The following SPAG6 variants were observed in gnomAD, a reference collection of about 807,000 sequenced individuals.
SPAG6 encodes sperm associated antigen 6.
Under a neutral mutation model 58.5 loss-of-function variants are expected in SPAG6, and 49 were observed. That is an observed-to-expected ratio of 0.84 (90% confidence interval 0.67 to 1.06). SPAG6 has a LOEUF of 1.06. Among genes scored for constraint, SPAG6 ranks in the 50% least tolerant of loss-of-function variants. The pLI, the probability that SPAG6 is intolerant of heterozygous loss-of-function variation, is 0.00. For missense variants in SPAG6, 560 were observed against 611.3 expected, an observed-to-expected ratio of 0.92 and a Z score of 0.89; for synonymous variants, 233 against 225.6, an observed-to-expected ratio of 1.03 and a Z score of -0.29.
chr10:22,345,920 G>C lies in SPAG6; in HGVS notation c.121+102G>C. On this transcript the variant is annotated intron_variant, in intron 2 of 10. Coordinates refer to ENST00000376624, the MANE Select transcript of SPAG6 (RefSeq NM_012443.4). The surrounding 1 kb of genome is among the most constrained non-coding windows in gnomAD (Gnocchi z 6.3). ...GGAGCTCTTGGGGAGCCGCAGTGTGGGGACCGGAGTTCGCAAAAGCATCCA... is the reference window on the plus strand; with the variant it reads ...GGAGCTCTTGGGGAGCCGCAGTGTGCGGACCGGAGTTCGCAAAAGCATCCA... The C allele has an allele frequency of 6.4e-7, 1 of 1,572,096 alleles. No homozygotes were observed. The highest frequency in any genetic ancestry group is 1.2e-5 in the South Asian group (1 of 86,008).
intron 4 of SPAG6, among the ~76,000 whole-genome samples, chr10:22,375,096 G>T (rs1677646161): frequency 1.3e-5 from 2 of 152,294 alleles, no homozygotes; most frequent in South Asian, 4.1e-4. Context: ...GTGTACTGGT[G>T]GTTTGGAAAT....
intron 8 of SPAG6, among the ~76,000 whole-genome samples, chr10:22,398,051 A>G (rs1564376916): frequency 6.6e-6 from 1 of 152,260 alleles, no homozygotes; most frequent in Non-Finnish European, 1.5e-5. Context: ...TTACAGAAAG[A>G]CATATGTATG....
intron 10 of SPAG6, among the ~76,000 whole-genome samples, chr10:22,413,305 G>A (rs1234713197): frequency 6.6e-6 from 1 of 151,956 alleles, no homozygotes; most frequent in East Asian, 1.9e-4. Flanking sequence ...AGGCCGAGGC[G>A]TGGGGATCAC....
chr10:22,368,484 G>A lies in SPAG6; in HGVS notation c.289-11G>A, dbSNP rs1162819030. ...AATTCATTTTGAGTTTTGTCTGTTT[G>A]ACCCTTGTAGCGCTTCTACAAGAAA... On this transcript the variant is annotated splice_polypyrimidine_tract_variant and intron_variant, in intron 3 of 10. Coordinates refer to ENST00000376624, the MANE Select transcript of SPAG6 (RefSeq NM_012443.4). 6.2e-7 allele frequency: 1 copy of A among 1,604,714 alleles called. No individual in the cohort carries two copies. The highest frequency in any genetic ancestry group is 2.2e-5 in the East Asian group (1 of 44,604).
intron 2 of SPAG6, chr10:22,346,196 C>A: frequency 1.1e-6 from 1 of 928,906 alleles, no homozygotes; most frequent in Middle Eastern, 2.6e-4. Context: ...CACAGCAAAG[C>A]AATTCCAGTG....
Position 22,386,735 on chromosome 10 carries a change from A to G in SPAG6, c.473-19A>G. ...GTCAGTCACCCATACTCACTTAATTACTTTTCTTGGACCCACAGAACTGTC... is the reference window on the plus strand; with the variant it reads ...GTCAGTCACCCATACTCACTTAATTGCTTTTCTTGGACCCACAGAACTGTC... On this transcript the variant is annotated intron_variant, in intron 4 of 10. Coordinates refer to ENST00000376624, the MANE Select transcript of SPAG6 (RefSeq NM_012443.4). The G allele has an allele frequency of 1.2e-6, 2 of 1,605,594 alleles. No individual in the cohort carries two copies. Among genetic ancestry groups the G allele is most frequent in the East Asian group, 2.2e-5 (1 of 44,838 alleles).
In SPAG6 at chr10:22,345,845, GC is replaced by G; in HGVS notation, c.121+33del. 2.5e-6 allele frequency: 4 copies of G among 1,602,050 alleles called. No individual in the cohort carries two copies. Among genetic ancestry groups the G allele is most frequent in the Non-Finnish European group, 8.5e-7 (1 of 1,174,632 alleles). ...TGAGCCCGGAGCCCGAACCCCCGTC[GC>G]CCCCCGCGCACTGAGTCCCCGACGC... is the stretch of plus-strand genomic sequence containing the variant. On this transcript the variant is annotated intron_variant, in intron 2 of 10. Coordinates refer to ENST00000376624, the MANE Select transcript of SPAG6 (RefSeq NM_012443.4). This position sits in a 1 kb window ranked among gnomAD's most constrained non-coding sequence, Gnocchi z 6.3.
chr10:22,410,906 T>C (rs1456007198), intron 9 of SPAG6, 125 bp from the exon 10 acceptor site: 1 of 902,782 alleles, frequency 1.1e-6, no homozygotes, highest in Non-Finnish European at 1.6e-6. Context: ...ATTTGGCTCA[T>C]TATGTTATAG....
chr10:22,407,425 G>C (rs371152185), intron 9 of SPAG6, among the ~76,000 whole-genome samples: 6 of 151,696 alleles, frequency 4.0e-5, no homozygotes, highest in African/African-American at 7.3e-5. Flanking sequence ...ATGAAATTCT[G>C]GGTTGAAAAT....
Position 22,365,000 on chromosome 10 carries a change from A to G in SPAG6, c.269A>G (p.Tyr90Cys), listed in dbSNP as rs549431264. 3 of 1,603,620 alleles carry G rather than the reference A, an allele frequency of 1.9e-6. No individual in the cohort carries two copies. The highest frequency in any genetic ancestry group is 2.6e-6 in the Non-Finnish European group (3 of 1,176,352). ...VKCDILPQLV[Y>C]SLAEQNRFYK... Reference sequence around the variant, plus strand: ...TGCGACATTCTTCCACAGCTTGTTTATTCATTGGCAGAACAGAATGTAAGA... The same window carrying G: ...TGCGACATTCTTCCACAGCTTGTTTGTTCATTGGCAGAACAGAATGTAAGA... Residue 90 changes from tyrosine to cysteine, a missense_variant, in exon 3 of 11, where the codon TAT (tyrosine) becomes TGT (cysteine). Tyr to Cys is a radical substitution (Grantham distance 194). Coordinates refer to ENST00000376624, the MANE Select transcript of SPAG6 (RefSeq NM_012443.4).
chr10:22,413,028 C>G (rs1263089292), intron 10 of SPAG6: 4 of 116,294 alleles, frequency 3.4e-5, no homozygotes, highest in African/African-American at 3.6e-5. Flanking sequence ...TTTAAGGTAA[C>G]TTTCAATGCA....
chr10:22,346,238 G>C (rs191035520), intron 2 of SPAG6, among the ~76,000 whole-genome samples: 89 of 152,276 alleles, frequency 5.8e-4, no homozygotes, highest in African/African-American at 2.1e-3. Context: ...TTGCTTTAGT[G>C]AAAGGGGAAT....
At chr10:22,355,461 T>A (rs73596601) in intron 2 of SPAG6, among the ~76,000 whole-genome samples, 5,756 of 152,224 alleles carry the variant, frequency 0.038, 247 homozygotes, top group African/African-American at 0.1. Context: ...CAACACTGAA[T>A]CACCAAACAA....
rs972875497 is a variant in SPAG6, at chr10:22,408,346, C to T, written c.1315-2685C>T. 7.6e-4 allele frequency among the ~76,000 whole-genome samples: 105 copies of T among 138,092 alleles called. 1 individual carries two copies. In the East Asian group the frequency reaches 0.02, roughly 26 times the overall value. 90.6% of individuals were successfully genotyped at this position (138,092 alleles called of 152,430 possible). Reference sequence around the variant, plus strand: ...ATGTCCTTTCTGTTTGTTAGTTTTCCTTCTAACAGACAGGACCCTCAGCTG... The same window carrying T: ...ATGTCCTTTCTGTTTGTTAGTTTTCTTTCTAACAGACAGGACCCTCAGCTG... On this transcript the variant is annotated intron_variant, in intron 9 of 10. Coordinates refer to ENST00000376624, the MANE Select transcript of SPAG6 (RefSeq NM_012443.4).
rs373420072 is a variant in SPAG6, at chr10:22,414,954, C to T, written c.1461-1665C>T. Reference sequence around the variant, plus strand: ...GCTAATTTTGTATTTTTAGCACGGACGAGGTTTCGCCATGTTGGTCAGGCT... The same window carrying T: ...GCTAATTTTGTATTTTTAGCACGGATGAGGTTTCGCCATGTTGGTCAGGCT... On this transcript the variant is annotated intron_variant, in intron 10 of 10. Coordinates refer to ENST00000376624, the MANE Select transcript of SPAG6 (RefSeq NM_012443.4). Among the ~76,000 whole-genome samples, 35 of 152,170 alleles carry T rather than the reference C, an allele frequency of 2.3e-4. 2 individuals carry two copies. Among genetic ancestry groups the T allele is most frequent in the African/African-American group, 6.7e-4 (28 of 41,536 alleles).
In SPAG6 at chr10:22,368,495, C is replaced by G; in HGVS notation, c.289C>G (p.Arg97Gly). ...QLVYSLAEQN[R>G]FYKKAAAFVL... The stretch of plus-strand genomic sequence containing the variant: ...AGTTTTGTCTGTTTGACCCTTGTAG[C>G]GCTTCTACAAGAAAGCAGCTGCCTT... The change falls in exon 4 of 11, where the codon CGC becomes GGC. Residue 97 changes from arginine to glycine, a missense_variant and splice_region_variant. Arg to Gly is a moderately radical substitution (Grantham distance 125). Transcript: ENST00000376624. 1.2e-6 allele frequency: 2 copies of G among 1,612,600 alleles called. No individual in the cohort carries two copies. The highest frequency in any genetic ancestry group is 8.5e-7 in the Non-Finnish European group (1 of 1,179,194).
intron 2 of SPAG6, among the ~76,000 whole-genome samples, chr10:22,349,782 A>T (rs1214511021): frequency 1.3e-5 from 2 of 152,216 alleles, no homozygotes; most frequent in African/African-American, 4.8e-5. Flanking sequence ...GTGCACCTGT[A>T]TGAAGCTAAT....
chr10:22,375,341 A>G (rs1833792717), intron 4 of SPAG6, among the ~76,000 whole-genome samples: 1 of 152,224 alleles, frequency 6.6e-6, no homozygotes, highest in South Asian at 2.1e-4. Context: ...GTTTGCTATT[A>G]GAAGCTCAGG....
chr10:22,384,437 G>GAAAT (rs1349292092), intron 4 of SPAG6, among the ~76,000 whole-genome samples: 5 of 152,204 alleles, frequency 3.3e-5, no homozygotes, highest in Non-Finnish European at 7.4e-5. Context: ...AGGTCAGAAT[G>GAAAT]AAATAGCCTG....
Sources: gnomAD v4.1 joint callset for allele counts (sites outside exome capture counted in the v4.1 genomes callset) on GRCh38, gnomAD v4.1.1 for gene constraint, Gnocchi (gnomAD v3.1) non-coding constraint, MANE v1.5 for transcripts, NCBI Gene and HGNC (gene_info 2026-07-23, HGNC 2026-07-21) for gene names.